Variants in HORMAD1 observed in about 807,000 individuals in gnomAD.
The protein encoded by HORMAD1 is HORMA domain-containing protein 1.
Under a neutral mutation model 58.2 loss-of-function variants are expected in HORMAD1, and 33 were observed. That is an observed-to-expected ratio of 0.57 (90% CI 0.43 to 0.76). The LOEUF (loss-of-function observed/expected upper bound fraction) is 0.76, where lower values mean the gene tolerates loss of function less well. Among genes scored for constraint, HORMAD1 ranks in the 30% least tolerant of loss-of-function variants. The probability of loss-of-function intolerance (pLI) is 0.00; values close to 1 mark genes in which losing one functional copy is unlikely to be tolerated. For missense variants in HORMAD1, 363 were observed against 462.0 expected, an observed-to-expected ratio of 0.79 and a Z score of 1.96; for synonymous variants, 137 against 144.6, an observed-to-expected ratio of 0.95 and a Z score of 0.38.
At chr1:150,699,973 TA>T (rs2101836711) in intron 14 of HORMAD1, 138 bp downstream of exon 14, 2 of 488,126 alleles carry the variant, frequency 4.1e-6, no homozygotes, top group East Asian at 6.7e-5. Context: ...TAGAACAAAA[TA>T]TATTTAAACA....
chr1:150,711,608 C>G, intron 6 of HORMAD1, 37 bp from the exon 7 acceptor site: 1 of 1,493,308 alleles, frequency 6.7e-7, no homozygotes, highest in Non-Finnish European at 9.3e-7. Flanking sequence ...TTATCTAAGG[C>G]TAAGTATTCA....
chr1:150,710,619 T>C (rs1651845897), intron 7 of HORMAD1, among the ~76,000 whole-genome samples: 1 of 152,192 alleles, frequency 6.6e-6, no homozygotes, highest in Non-Finnish European at 1.5e-5. Flanking sequence ...TTCACAGCCT[T>C]TACCCAAATG....
intron 14 of HORMAD1, 95 bp downstream of exon 14, chr1:150,700,017 A>G: frequency 4.9e-6 from 3 of 610,494 alleles, no homozygotes; most frequent in South Asian, 4.8e-5. Flanking sequence ...AGGTACATCG[A>G]AAGATATCAA....
Position 150,702,218 on chromosome 1 carries a change from A to G in HORMAD1, c.1032+1092T>C, listed in dbSNP as rs113023720. Among the ~76,000 whole-genome samples the G allele has an allele frequency of 8.1e-3, 1,228 of 152,328 alleles. 9 individuals are homozygous for G. The highest frequency in any genetic ancestry group is 0.011 in the Non-Finnish European group (734 of 68,020). On this transcript the variant is annotated intron_variant, in intron 13 of 14. Coordinates refer to ENST00000361824, the MANE Select transcript of HORMAD1 (RefSeq NM_032132.5). ...TAGAGAAATGCAAATCAAAACCACA[A>G]TGAGATACCATCTCATGCCAGTCAG...
intron 10 of HORMAD1, among the ~76,000 whole-genome samples, chr1:150,705,758 A>T (rs72702554): frequency 1.3e-5 from 2 of 151,938 alleles, no homozygotes; most frequent in Admixed American, 1.3e-4. Flanking sequence ...TTTTTTCTTT[A>T]ACTGAATTGG....
chr1:150,699,528 A>AT (rs879621084), intron 14 of HORMAD1, among the ~76,000 whole-genome samples: 2,674 of 142,224 alleles, frequency 0.019, 80 homozygotes, highest in African/African-American at 0.06. Context: ...CCTGGCACTG[A>AT]TTTTTTTTTT....
rs755795099 is a variant in HORMAD1 at position 150,706,628 on chromosome 1, T to C, written c.729A>G (p.Pro243=). The C allele has an allele frequency of 6.8e-6, 11 of 1,613,476 alleles. No homozygotes were observed. In the South Asian group the frequency reaches 1.2e-4, roughly 18 times the overall value. ...MENIDSTILS[P]KQIKTPFQKI... ...TTTGAAATGGTGTTTTTATTTGTTT[T>C]GGTGATAGTATAGTTGAGTCAATAT... is the stretch of plus-strand genomic sequence containing the variant. Residue 243 remains proline, a synonymous_variant, in exon 10 of 15, where the codon CCA becomes CCG. Coordinates refer to ENST00000361824, the MANE Select transcript of HORMAD1 (RefSeq NM_032132.5).
intron 5 of HORMAD1, 180 bp downstream of exon 5, chr1:150,713,905 T>G (rs761763245): frequency 1.7e-6 from 1 of 591,024 alleles, no homozygotes; most frequent in South Asian, 2.0e-5. Flanking sequence ...GTTAATTCCA[T>G]TATCTTTAAA....
At chr1:150,714,018 T>C in intron 5 of HORMAD1, 67 bp downstream of exon 5, 1 of 1,001,278 alleles carries the variant, frequency 1.0e-6, no homozygotes, top group South Asian at 1.4e-5. Flanking sequence ...TACTACATCA[T>C]AACTCCAGTT....
chr1:150,720,098 G>A (rs1652203564), intron 1 of HORMAD1, among the ~76,000 whole-genome samples: 2 of 139,952 alleles, frequency 1.4e-5, no homozygotes, highest in African/African-American at 5.2e-5. Flanking sequence ...TTTTCGAGAC[G>A]GTGTCTCTCT....
chr1:150,698,551 T>A lies in HORMAD1; in HGVS notation c.*103A>T. ...AACTTAGTTTTAGTGTACAAACTGC[T>A]TTAAACTACATATACATCTTCAGAG... On this transcript the variant is annotated 3_prime_UTR_variant, in exon 15 of 15. Coordinates refer to ENST00000361824, the MANE Select transcript of HORMAD1 (RefSeq NM_032132.5). 1.8e-6 allele frequency: 1 copy of A among 561,428 alleles called. No homozygotes were observed. The allele number at this position is 561,428 out of a possible 1,614,324, so 34.8% of individuals were successfully genotyped here. A position where few individuals can be genotyped will look rare whatever the true frequency, so the allele number is the denominator to read the frequency against.
At position 150,717,175 on chromosome 1, in the gene HORMAD1, T is replaced by C. The variant is rs1263434825; in HGVS notation, c.141A>G (p.Ile47Met). Residue 47 changes from isoleucine (I) to methionine (M), a missense_variant, in exon 3 of 15, where the codon ATA (isoleucine) becomes ATG (methionine). By Grantham distance (10) the Ile-to-Met change is conservative. Around this residue, in one of 3 missense-constraint regions of HORMAD1, gnomAD observed 128 missense variants for 171.8 expected, o/e 0.74. Transcript: ENST00000361824. ...TTGTTCCATAAGCGCATTCTGGGAA[T>C]ATTCCCCTCAAATACGTGATACAGG... The part of the protein sequence containing the change: ...SVSCITYLRG[I>M]FPECAYGTRY... 6.3e-7 allele frequency: 1 copy of C among 1,588,140 alleles called. No individual in the cohort carries two copies. Among genetic ancestry groups the C allele is most frequent in the South Asian group, 1.1e-5 (1 of 87,460 alleles).
At chr1:150,708,444 C>G in intron 8 of HORMAD1, 37 bp from the exon 9 acceptor site, 1 of 1,377,004 alleles carries the variant, frequency 7.3e-7, no homozygotes, top group East Asian at 2.4e-5. Flanking sequence ...TTTTATAAAA[C>G]CTGTGGCTTC....
chr1:150,703,107 CTTGT>C (rs1406654410), intron 13 of HORMAD1, among the ~76,000 whole-genome samples, 199 bp downstream of exon 13: 2 of 152,104 alleles, frequency 1.3e-5, no homozygotes, highest in Non-Finnish European at 2.9e-5. Flanking sequence ...TGTATCATTG[CTTGT>C]TTATTTCCAG....
chr1:150,715,515 T>C (rs1282198204), intron 3 of HORMAD1, among the ~76,000 whole-genome samples: 4 of 152,190 alleles, frequency 2.6e-5, no homozygotes, highest in Non-Finnish European at 5.9e-5. Flanking sequence ...AGCACATAAC[T>C]GGTGTACAAT....
intron 3 of HORMAD1, among the ~76,000 whole-genome samples, chr1:150,716,062 G>T (rs1652064175): frequency 6.8e-6 from 1 of 147,388 alleles, no homozygotes; most frequent in African/African-American, 2.5e-5. Context: ...ACATTATTCA[G>T]CAACAAAAAG....
At chr1:150,711,486 T>A in intron 7 of HORMAD1, 59 bp downstream of exon 7, 2 of 1,083,368 alleles carry the variant, frequency 1.8e-6, no homozygotes, top group Non-Finnish European at 2.8e-6. Context: ...ATATTATGTT[T>A]CGTGTTATTT....
At chr1:150,716,613 G>T (rs1007412391) in intron 3 of HORMAD1, among the ~76,000 whole-genome samples, 2 of 151,958 alleles carry the variant, frequency 1.3e-5, no homozygotes, top group African/African-American at 2.4e-5. Context: ...TTGGGATGAA[G>T]AAATGTTCTA....
In HORMAD1 at chr1:150,719,523, T is replaced by C. The variant is rs1242930196; in HGVS notation, c.-18A>G. ...GTGGCCATCTTCTTCTGATAAAGTA[T>C]TTTCTTTAATTCAACCTTGTGACAC... On this transcript the variant is annotated 5_prime_UTR_variant, in exon 2 of 15. Transcript: ENST00000361824. 6 of 1,564,654 alleles carry C rather than the reference T, an allele frequency of 3.8e-6. No individual in the cohort carries two copies. The highest frequency in any genetic ancestry group is 4.3e-6 in the Non-Finnish European group (5 of 1,151,334).
Sources: allele counts gnomAD v4.1 joint callset (sites outside exome capture counted in the v4.1 genomes callset), GRCh38; gene constraint gnomAD v4.1.1; regional missense constraint gnomAD v4.1.1; transcripts MANE v1.5; gene names NCBI Gene and HGNC (gene_info 2026-07-23, HGNC 2026-07-21).